Variants in NAALADL2 observed in about 807,000 individuals in gnomAD.
NAALADL2 encodes the protein inactive N-acetylated-alpha-linked acidic dipeptidase-like protein 2.
A neutral mutation model predicts 87.2 loss-of-function variants in NAALADL2; 76 were observed. That is an observed-to-expected ratio of 0.87 (90% CI 0.72 to 1.05). The LOEUF (loss-of-function observed/expected upper bound fraction) is 1.05. Ranked by LOEUF, NAALADL2 falls within the 50% of genes least tolerant of loss-of-function variation. The probability of loss-of-function intolerance (pLI) is 0.00; values close to 1 mark genes in which losing one functional copy is unlikely to be tolerated. For synonymous variants in NAALADL2, 354 were observed against 331.0 expected (o/e 1.07, Z -0.75); for missense variants, 1,089 against 945.8 (o/e 1.15, Z -1.99).
intron 3 of NAALADL2, among the ~76,000 whole-genome samples, chr3:174,811,159 A>C (rs1318421479): frequency 6.6e-6 from 1 of 152,066 alleles, no homozygotes; most frequent in Non-Finnish European, 1.5e-5. Flanking sequence ...GAGACCCTCT[A>C]CTAGGCCAGT....
At chr3:174,674,774 CT>C (rs1553816847) in intron 2 of NAALADL2, among the ~76,000 whole-genome samples, 1 of 151,910 alleles carries the variant, frequency 6.6e-6, no homozygotes, top group Non-Finnish European at 1.5e-5. Context: ...TTTTTTCTGA[CT>C]TTCTCTTCTC....
At chr3:175,409,295 A>G (rs1475607047) in intron 5 of NAALADL2, among the ~76,000 whole-genome samples, 1 of 151,970 alleles carries the variant, frequency 6.6e-6, no homozygotes, top group Non-Finnish European at 1.5e-5. Flanking sequence ...AAAAGAAAGA[A>G]AATAAATATG....
intron 11 of NAALADL2, among the ~76,000 whole-genome samples, chr3:175,648,945 A>T (rs753788501): frequency 6.6e-6 from 1 of 152,198 alleles, no homozygotes; most frequent in Non-Finnish European, 1.5e-5. Flanking sequence ...TCAGAAATAA[A>T]AAATTAAGTG....
intron 1 of NAALADL2, among the ~76,000 whole-genome samples, chr3:174,937,014 A>G (rs1312485008): frequency 6.6e-6 from 1 of 152,122 alleles, no homozygotes; most frequent in Non-Finnish European, 1.5e-5. Context: ...AAAGTTGAAC[A>G]TTTTAAAAAA....
At chr3:174,661,947 G>A (rs1167045700) in intron 2 of NAALADL2, among the ~76,000 whole-genome samples, 2 of 152,132 alleles carry the variant, frequency 1.3e-5, no homozygotes, top group Admixed American at 1.3e-4. Flanking sequence ...AATACTGCAT[G>A]TTCTGATTTT....
intron 1 of NAALADL2, among the ~76,000 whole-genome samples, chr3:174,895,016 T>C (rs1245000619): frequency 6.6e-6 from 1 of 152,026 alleles, no homozygotes; most frequent in Non-Finnish European, 1.5e-5. Context: ...AAACCTATGG[T>C]ATACAGCAAA....
At chr3:174,793,125 A>T (rs1578952866) in intron 3 of NAALADL2, among the ~76,000 whole-genome samples, 1 of 152,180 alleles carries the variant, frequency 6.6e-6, no homozygotes, top group East Asian at 1.9e-4. Flanking sequence ...ATACATTGTG[A>T]TAAGATTTAA....
chr3:175,535,146 T>G (rs1734640613), intron 9 of NAALADL2, among the ~76,000 whole-genome samples: 1 of 152,064 alleles, frequency 6.6e-6, no homozygotes, highest in African/African-American at 2.4e-5. Context: ...AAATAACAAA[T>G]TGGATGTTGG....
chr3:174,632,610 A>G (rs1390388698), intron 2 of NAALADL2, among the ~76,000 whole-genome samples: 3 of 152,076 alleles, frequency 2.0e-5, no homozygotes. Context: ...AGGAGGAAGA[A>G]CAATAACATT....
chr3:174,521,650 A>C (rs745998756), intron 1 of NAALADL2, among the ~76,000 whole-genome samples: 3 of 151,818 alleles, frequency 2.0e-5, no homozygotes, highest in Non-Finnish European at 4.4e-5. Context: ...CTGGAGGCCT[A>C]TAGGTAATTA....
At chr3:174,783,435 A>G (rs1716235472) in intron 3 of NAALADL2, among the ~76,000 whole-genome samples, 1 of 152,152 alleles carries the variant, frequency 6.6e-6, no homozygotes, top group South Asian at 2.1e-4. Flanking sequence ...TGCACTTTGC[A>G]CAGAATATTT....
intron 2 of NAALADL2, among the ~76,000 whole-genome samples, chr3:175,217,476 G>C (rs1442679679): frequency 2.0e-5 from 3 of 152,134 alleles, no homozygotes; most frequent in Admixed American, 6.5e-5. Context: ...CAAACAGCAT[G>C]ATTTAGTTTG....
intron 1 of NAALADL2, among the ~76,000 whole-genome samples, chr3:174,477,051 C>A (rs117002095): frequency 6.6e-6 from 1 of 151,522 alleles, no homozygotes; most frequent in Non-Finnish European, 1.5e-5. Flanking sequence ...CAGGTGAGAT[C>A]GCACCATTGC....
Position 175,279,649 on chromosome 3 carries a change from T to C in NAALADL2, c.939+23119T>C, listed in dbSNP as rs535460245. 4.6e-5 allele frequency among the ~76,000 whole-genome samples: 7 copies of C among 152,148 alleles called. 1 individual carries two copies. The Middle Eastern group carries it at 0.017, about 370-fold the overall frequency. On this transcript the variant is annotated intron_variant, in intron 4 of 13. Coordinates refer to ENST00000454872, the MANE Select transcript of NAALADL2 (RefSeq NM_207015.3). ...TTTTTTTATGGCAGTAGATATTACA[T>C]ACTATTTTATTTCTTCCTGAAATTT...
At chr3:175,229,158 C>T (rs1407417032) in intron 2 of NAALADL2, among the ~76,000 whole-genome samples, 1 of 151,754 alleles carries the variant, frequency 6.6e-6, no homozygotes, top group Non-Finnish European at 1.5e-5. Flanking sequence ...TATCTACTAT[C>T]ACACATTAAT....
intron 1 of NAALADL2, among the ~76,000 whole-genome samples, chr3:174,512,675 C>T (rs1392469253): frequency 6.6e-6 from 1 of 152,024 alleles, no homozygotes; most frequent in Non-Finnish European, 1.5e-5. Context: ...CCAAACGGAT[C>T]TCTGTCTCCT....
At chr3:175,072,439 T>C (rs1715818587) in intron 1 of NAALADL2, among the ~76,000 whole-genome samples, 1 of 151,952 alleles carries the variant, frequency 6.6e-6, no homozygotes, top group African/African-American at 2.4e-5. Flanking sequence ...TTTGAGGACA[T>C]GCAAAATTAT....
intron 2 of NAALADL2, among the ~76,000 whole-genome samples, chr3:174,689,624 G>A (rs1250174174): frequency 6.6e-6 from 1 of 151,826 alleles, no homozygotes; most frequent in African/African-American, 2.4e-5. Flanking sequence ...GTTTGCGAAG[G>A]GCTCTTCTAA....
At chr3:174,844,401 G>T (rs1724361196) in intron 3 of NAALADL2, among the ~76,000 whole-genome samples, 1 of 151,992 alleles carries the variant, frequency 6.6e-6, no homozygotes, top group South Asian at 2.1e-4. Context: ...TAGCCTTGTG[G>T]TATATTTTGA....
Sources: gnomAD v4.1 joint callset for allele counts (sites outside exome capture counted in the v4.1 genomes callset) on GRCh38, gnomAD v4.1.1 for gene constraint, MANE v1.5 for transcripts, NCBI Gene and HGNC (gene_info 2026-07-23, HGNC 2026-07-21) for gene names.